Variants in WDR49 observed in about 807,000 individuals in gnomAD.
The protein encoded by WDR49 is WD repeat domain 49, also known as cilia- and flagella-associated protein 337.
Under a neutral mutation model 119.5 loss-of-function variants are expected in WDR49, and 107 were observed. The observed-to-expected ratio is 0.90, with a 90% CI of 0.77 to 1.05. The LOEUF (loss-of-function observed/expected upper bound fraction) is 1.05, where lower values mean the gene tolerates loss of function less well. Ranked by LOEUF, WDR49 falls within the 50% of genes least tolerant of loss-of-function variation. WDR49 has a pLI of 0.00. For synonymous variants in WDR49, 425 were observed against 418.8 expected (o/e 1.01, Z -0.18); for missense variants, 1,240 against 1,220.5 (o/e 1.02, Z -0.24).
intron 18 of WDR49, among the ~76,000 whole-genome samples, chr3:167,480,847 C>T (rs1025963521): frequency 2.0e-5 from 3 of 152,144 alleles, no homozygotes; most frequent in African/African-American, 7.2e-5. Flanking sequence ...TGCTTTATCC[C>T]TTATATACAT....
chr3:167,501,768 T>C (rs1486620790), intron 17 of WDR49, among the ~76,000 whole-genome samples: 1 of 152,234 alleles, frequency 6.6e-6, no homozygotes, highest in Non-Finnish European at 1.5e-5. Flanking sequence ...TTAATTGTTT[T>C]CTGGTCCGTC....
chr3:167,520,667 T>C (rs950364576), intron 16 of WDR49, among the ~76,000 whole-genome samples: 2 of 152,208 alleles, frequency 1.3e-5, no homozygotes, highest in African/African-American at 4.8e-5. Context: ...CTTCTATCTA[T>C]GTGTCAGCGG....
intron 2 of WDR49, among the ~76,000 whole-genome samples, chr3:167,632,224 T>G (rs1717408765): frequency 1.3e-5 from 2 of 152,234 alleles, no homozygotes; most frequent in South Asian, 4.1e-4. Context: ...TAGTTTATTT[T>G]TTATTTCTAA....
At chr3:167,644,612 T>TTGTATTTTTGTACAAAC (rs1465259584) in intron 2 of WDR49, among the ~76,000 whole-genome samples, 1 of 152,180 alleles carries the variant, frequency 6.6e-6, no homozygotes, top group Non-Finnish European at 1.5e-5. Context: ...ATACTCCAGT[T>TTGTATTTTTGTACAAAC]TGTAAGTGAT....
At position 167,531,176 on chromosome 3, in the gene WDR49, C is replaced by T. The variant is rs1577221240; in HGVS notation, c.2157G>A (p.Glu719=). 6.2e-7 allele frequency: 1 copy of T among 1,611,978 alleles called. No homozygotes were observed. Among genetic ancestry groups the T allele is most frequent in the Non-Finnish European group, 8.5e-7 (1 of 1,179,456 alleles). ...AAAGTCTCATAACAGCATTTTTGCC[C>T]TCAGTGTCAATCTCAAAGTTGCGGA... ...TGVRNFEIDT[E]GKNAVMRLCF... is the part of the protein sequence containing the mutation. Residue 719 remains glutamate (E), a synonymous_variant, in exon 13 of 19, where the codon GAG becomes GAA. Transcript: ENST00000682715.
In WDR49 at chr3:167,505,550, G is replaced by T. The variant is rs188195407; in HGVS notation, c.2775-134C>A. 275 of 1,241,060 alleles carry T rather than the reference G, an allele frequency of 2.2e-4. 1 individual carries two copies. In the African/African-American group the frequency reaches 4.1e-3, roughly 19 times the overall value. The allele number at this position is 1,241,060 out of a possible 1,614,324, so 76.9% of individuals were successfully genotyped here. A position where few individuals can be genotyped will look rare whatever the true frequency, so the allele number is the denominator to read the frequency against. ...ATCTATTCCTGTGAACCGAAGTAGT[G>T]ATATTTGTTTATACTAATCAAGCCC... On this transcript the variant is annotated intron_variant, in intron 16 of 18. Coordinates refer to ENST00000682715, the MANE Select transcript of WDR49 (RefSeq NM_001366157.1).
At chr3:167,626,529 C>G (rs4383523) in intron 3 of WDR49, among the ~76,000 whole-genome samples, 148,117 of 152,094 alleles carry the variant, frequency 0.97, 72,150 homozygotes, top group East Asian at 1. Flanking sequence ...CCCCTTAAAT[C>G]CATTGAATCT....
chr3:167,514,819 C>A (rs1335065089), intron 16 of WDR49, among the ~76,000 whole-genome samples: 1 of 152,058 alleles, frequency 6.6e-6, no homozygotes, highest in African/African-American at 2.4e-5. Flanking sequence ...CCACTGGCCC[C>A]ACAGAAATAC....
At chr3:167,500,336 A>T in intron 17 of WDR49, 37 bp from the exon 18 acceptor site, 1 of 1,600,366 alleles carries the variant, frequency 6.2e-7, no homozygotes, top group Non-Finnish European at 8.5e-7. Flanking sequence ...GACAGGGAGA[A>T]AAAGGGTACA....
In WDR49 at chr3:167,536,858, A is replaced by T. The variant is rs758906448; in HGVS notation, c.1954+12T>A. The T allele has an allele frequency of 6.7e-7, 1 of 1,482,522 alleles. No individual in the cohort carries two copies. The highest frequency in any genetic ancestry group is 9.0e-7 in the Non-Finnish European group (1 of 1,113,462). 91.8% of individuals were successfully genotyped at this position (1,482,522 alleles called of 1,614,324 possible). A position where few individuals can be genotyped will look rare whatever the true frequency, so the allele number is the denominator to read the frequency against. On this transcript the variant is annotated intron_variant, in intron 11 of 18. Transcript: ENST00000682715. ...ACTTCACCAATGATTGTCAAGTGAA[A>T]GTTCAATTTACCCGTAACAAGAGTT...
intron 2 of WDR49, among the ~76,000 whole-genome samples, chr3:167,649,610 G>C: frequency 6.6e-6 from 1 of 152,184 alleles, no homozygotes; most frequent in East Asian, 1.9e-4. Context: ...TTGAGATTCA[G>C]TTTGAATAAG....
chr3:167,562,461 A>G (rs1382161233), intron 8 of WDR49, among the ~76,000 whole-genome samples: 1 of 152,214 alleles, frequency 6.6e-6, no homozygotes, highest in Non-Finnish European at 1.5e-5. Context: ...TTACAACTTC[A>G]ATGAGACAAT....
chr3:167,509,095 G>A (rs1169205591), intron 16 of WDR49, among the ~76,000 whole-genome samples: 1 of 152,116 alleles, frequency 6.6e-6, no homozygotes, highest in Non-Finnish European at 1.5e-5. Flanking sequence ...TAGAATTTTT[G>A]TTTCATTTCT....
At chr3:167,605,315 G>C (rs1263100173) in intron 5 of WDR49, among the ~76,000 whole-genome samples, 1 of 152,014 alleles carries the variant, frequency 6.6e-6, no homozygotes, top group Non-Finnish European at 1.5e-5. Flanking sequence ...AAATTCCATA[G>C]CTATCTCCCT....
At chr3:167,505,578 T>C (rs1303850483) in intron 16 of WDR49, among the ~76,000 whole-genome samples, 162 bp from the exon 17 acceptor site, 1 of 152,188 alleles carries the variant, frequency 6.6e-6, no homozygotes, top group Non-Finnish European at 1.5e-5. Context: ...TCAAGCCCTA[T>C]CTTTTAACAA....
chr3:167,553,303 C>G (rs1009652988), intron 10 of WDR49, among the ~76,000 whole-genome samples: 1 of 152,026 alleles, frequency 6.6e-6, no homozygotes, highest in Non-Finnish European at 1.5e-5. Flanking sequence ...ATTTTTCCTA[C>G]TCTCATACCA....
rs759016915 is a variant in WDR49, at chr3:167,522,342, T to C, written c.2747A>G (p.Lys916Arg). 2.5e-6 allele frequency: 4 copies of C among 1,587,316 alleles called. No individual in the cohort carries two copies. The South Asian group carries it at 3.5e-5, about 14-fold the overall frequency. Residue 916 changes from lysine (K) to arginine (R), a missense_variant, in exon 16 of 19, where the codon AAG becomes AGG. Transcript: ENST00000682715. ...LDPTEHSLLN[K>R]KNKDDSTYNV... ...GTATGTTGAGTCATCTTTGTTTTTC[T>C]TATTAAGTAGAGAATGTTCTGTTGG... is the stretch of plus-strand genomic sequence containing the variant.
chr3:167,595,546 G>A (rs1206832391), intron 7 of WDR49, among the ~76,000 whole-genome samples: 1 of 152,120 alleles, frequency 6.6e-6, no homozygotes, highest in Non-Finnish European at 1.5e-5. Flanking sequence ...ACAGAACAAA[G>A]CCCTCAGAAA....
chr3:167,567,619 G>A (rs1346653739), intron 8 of WDR49, among the ~76,000 whole-genome samples: 1 of 152,104 alleles, frequency 6.6e-6, no homozygotes, highest in Non-Finnish European at 1.5e-5. Context: ...CTTTTCCATA[G>A]CATTGACGGT....
Sources: gnomAD v4.1 joint callset for allele counts (sites outside exome capture counted in the v4.1 genomes callset) on GRCh38, gnomAD v4.1.1 for gene constraint, MANE v1.5 for transcripts, NCBI Gene and HGNC (gene_info 2026-07-23, HGNC 2026-07-21) for gene names.